The following C3orf20 variants were observed in gnomAD, a reference collection of about 807,000 sequenced individuals.
The protein encoded by C3orf20 is family with sequence similarity 149 member C.
A neutral mutation model predicts 88.3 loss-of-function variants in C3orf20; 76 were observed. The observed-to-expected ratio is 0.86, with a 90% CI of 0.72 to 1.04. The LOEUF is 1.04. Among genes scored for constraint, C3orf20 ranks in the 50% least tolerant of loss-of-function variants. The pLI is 0.00. For missense variants in C3orf20, 1,056 were observed against 1,123.3 expected, an observed-to-expected ratio of 0.94 and a Z score of 0.86; for synonymous variants, 436 against 437.4, an observed-to-expected ratio of 1.00 and a Z score of 0.04.
chr3:14,770,726 C>A (rs1352441833), intron 15 of C3orf20, among the ~76,000 whole-genome samples: 1 of 152,154 alleles, frequency 6.6e-6, no homozygotes, highest in East Asian at 1.9e-4. Flanking sequence ...TAAATATGAC[C>A]GAGTGACTAG....
intron 5 of C3orf20, among the ~76,000 whole-genome samples, chr3:14,692,540 T>C (rs1014246158): frequency 2.0e-5 from 3 of 152,226 alleles, no homozygotes; most frequent in South Asian, 2.1e-4. Flanking sequence ...CATTTGTATG[T>C]CTTTTTTTGA....
chr3:14,697,714 C>CT (rs34491710), intron 5 of C3orf20, among the ~76,000 whole-genome samples: 36,951 of 132,826 alleles, frequency 0.28, 6,165 homozygotes, highest in South Asian at 0.41. Context: ...CCCCAACCCC[C>CT]CTGCTGCCAA....
chr3:14,730,953 A>G (rs1269642297), intron 12 of C3orf20, among the ~76,000 whole-genome samples: 2 of 152,216 alleles, frequency 1.3e-5, no homozygotes, highest in Non-Finnish European at 2.9e-5. Flanking sequence ...TAAGTTCAGC[A>G]GTCCTTCTTT....
intron 5 of C3orf20, among the ~76,000 whole-genome samples, chr3:14,698,793 C>G (rs1000477196): frequency 6.6e-6 from 1 of 152,314 alleles, no homozygotes; most frequent in Admixed American, 6.5e-5. Context: ...TATATTTGCT[C>G]AAGGCCCTAG....
chr3:14,731,034 ACT>A (rs1202939251), intron 12 of C3orf20, among the ~76,000 whole-genome samples: 1 of 151,770 alleles, frequency 6.6e-6, no homozygotes, highest in Admixed American at 6.6e-5. Context: ...CCCTATATAT[ACT>A]CTGTTTTTCC....
chr3:14,721,306 A>G (rs945109850), intron 9 of C3orf20, among the ~76,000 whole-genome samples: 2 of 152,236 alleles, frequency 1.3e-5, no homozygotes, highest in African/African-American at 2.4e-5. Flanking sequence ...TTCAGGGATA[A>G]AGGGTTACCC....
intron 12 of C3orf20, among the ~76,000 whole-genome samples, chr3:14,742,340 G>A (rs1231527557): frequency 1.3e-5 from 2 of 152,150 alleles, no homozygotes; most frequent in African/African-American, 2.4e-5. Context: ...GGTTTGGGAG[G>A]CGTTAGATGA....
intron 1 of C3orf20, among the ~76,000 whole-genome samples, chr3:14,676,613 C>A (rs2031784975): frequency 6.6e-6 from 1 of 152,074 alleles, no homozygotes; most frequent in Non-Finnish European, 1.5e-5. Flanking sequence ...AGATAACTTC[C>A]CTGACACTCC....
intron 13 of C3orf20, among the ~76,000 whole-genome samples, chr3:14,758,959 G>A (rs565578749): frequency 6.6e-5 from 10 of 152,204 alleles, no homozygotes; most frequent in African/African-American, 9.7e-5. Flanking sequence ...CCCTGCCCAC[G>A]GGGGAACTTA....
chr3:14,751,834 G>C (rs1349932097), intron 12 of C3orf20, among the ~76,000 whole-genome samples: 2 of 152,066 alleles, frequency 1.3e-5, no homozygotes, highest in Non-Finnish European at 2.9e-5. Flanking sequence ...ATAAAAGAGG[G>C]CACAAACAAA....
chr3:14,705,144 C>T lies in C3orf20; in HGVS notation c.1160+526C>T, dbSNP rs2124939606. Among the ~76,000 whole-genome samples, 5 of 152,348 alleles carry T rather than the reference C, an allele frequency of 3.3e-5. No individual in the cohort carries two copies. The South Asian group carries it at 1.0e-3, about 32-fold the overall frequency. ...GCTCTGCAGCTGAGATCTGACTGGG[C>T]TCATGAGCATAGTGCTAGTTGTGTC... is the stretch of plus-strand genomic sequence containing the variant. On this transcript the variant is annotated intron_variant, in intron 7 of 16. Transcript: ENST00000253697.
At position 14,714,031 on chromosome 3, in the gene C3orf20, A is replaced by G. The variant is rs374958977; in HGVS notation, c.1185A>G (p.Val395=). The G allele has an allele frequency of 4.3e-6, 7 of 1,614,140 alleles. No homozygotes were observed. Among genetic ancestry groups the G allele is most frequent in the African/African-American group, 4.0e-5 (3 of 75,024 alleles). The change falls in exon 8 of 17, where the codon GTA becomes GTG. Residue 395 remains valine (V), a synonymous_variant. Transcript: ENST00000253697. ...GCTATCCCTCTGGAAACGTCGCTGT[A>G]TGTCAGATCCCCACATGCTGCAGAG... ...FVYYPSGNVA[V]CQIPTCCRGR...
At chr3:14,755,997 C>A (rs573258175) in intron 12 of C3orf20, among the ~76,000 whole-genome samples, 28 of 139,578 alleles carry the variant, frequency 2.0e-4, no homozygotes, top group Admixed American at 1.2e-3. Context: ...CCACTGCACT[C>A]CAGCCTGGGT....
intron 10 of C3orf20, among the ~76,000 whole-genome samples, chr3:14,726,419 T>G (rs2034347228): frequency 6.6e-6 from 1 of 152,214 alleles, no homozygotes; most frequent in Admixed American, 6.5e-5. Context: ...CAGCATCCAC[T>G]GCAGAGGGAG....
chr3:14,771,287 T>C (rs974209645), intron 15 of C3orf20, among the ~76,000 whole-genome samples: 1 of 152,266 alleles, frequency 6.6e-6, no homozygotes, highest in Non-Finnish European at 1.5e-5. Context: ...GAACCTCTGT[T>C]GTTTCACAGC....
chr3:14,723,052 G>T (rs2034222954), intron 10 of C3orf20, among the ~76,000 whole-genome samples: 1 of 152,222 alleles, frequency 6.6e-6, no homozygotes, highest in South Asian at 2.1e-4. Context: ...TTCCCAGTTT[G>T]CCCAGAGCCA....
chr3:14,714,098 T>C lies in C3orf20; in HGVS notation c.1252T>C (p.Ser418Pro), dbSNP rs769203838. The C allele has an allele frequency of 5.4e-5, 87 of 1,613,998 alleles. No homozygotes were observed. The highest frequency in any genetic ancestry group is 2.3e-4 in the Admixed American group (14 of 60,000). Residue 418 changes from serine to proline, a missense_variant, in exon 8 of 17, where the codon TCC becomes CCC. By Grantham distance (74) the Ser-to-Pro change is moderately conservative. Transcript: ENST00000253697. ...CCTCTTTAATGACATACCTGGATTC[T>C]CCTTGCTGGCCCTATTCAATACTGA... ...TCLFNDIPGF[S>P]LLALFNTEGQ...
intron 7 of C3orf20, 21 bp downstream of exon 7, chr3:14,704,639 A>C (rs2033423708): frequency 1.2e-6 from 2 of 1,607,304 alleles, no homozygotes; most frequent in African/African-American, 1.3e-5. Flanking sequence ...ATTTGGTACC[A>C]CCCTATCTCC....
chr3:14,762,961 G>A lies in C3orf20; in HGVS notation c.2495+1346G>A, dbSNP rs532357628. Reference sequence around the variant, plus strand: ...GAAGGCAGGCCCAGGAGGAGCCTGTGGATGGTAAGGAGGAGCAGATGCTGA... The same window carrying A: ...GAAGGCAGGCCCAGGAGGAGCCTGTAGATGGTAAGGAGGAGCAGATGCTGA... On this transcript the variant is annotated intron_variant, in intron 15 of 16. Transcript: ENST00000253697. Among the ~76,000 whole-genome samples, 4 of 152,312 alleles carry A rather than the reference G, an allele frequency of 2.6e-5. No homozygotes were observed. The South Asian group carries it at 6.2e-4, about 24-fold the overall frequency.
Sources: allele counts gnomAD v4.1 joint callset (sites outside exome capture counted in the v4.1 genomes callset), GRCh38; gene constraint gnomAD v4.1.1; transcripts MANE v1.5; gene names NCBI Gene and HGNC (gene_info 2026-07-23, HGNC 2026-07-21).